ASCC3: variants seen among roughly 807,000 people sequenced by gnomAD.
The protein encoded by ASCC3 is activating signal cointegrator 1 complex subunit 3.
In ASCC3, 158 loss-of-function variants were observed where a neutral mutation model predicts 256.3. The observed-to-expected ratio is 0.62, with a 90% CI of 0.54 to 0.70. The LOEUF (loss-of-function observed/expected upper bound fraction) is 0.70, where lower values mean the gene tolerates loss of function less well. Ranked by LOEUF, ASCC3 falls within the 30% of genes least tolerant of loss-of-function variation. ASCC3 has a pLI of 0.00. For synonymous variants in ASCC3, 948 were observed against 883.4 expected (o/e 1.07, Z -1.30); for missense variants, 2,259 against 2,626.0 (o/e 0.86, Z 3.05).
Position 100,824,632 on chromosome 6 carries a change from C to G in ASCC3, c.802-18752G>C, listed in dbSNP as rs187628935. On this transcript the variant is annotated intron_variant, in intron 4 of 41. Transcript: ENST00000369162. ...TATTATTCAAGGATTGTTCATCGCT[C>G]TCCCCTGTTCAATAATTTTATCAGT... 1.2e-3 allele frequency among the ~76,000 whole-genome samples: 177 copies of G among 152,218 alleles called. 1 individual carries two copies. The highest frequency in any genetic ancestry group is 4.0e-3 in the African/African-American group (166 of 41,530).
intron 36 of ASCC3, among the ~76,000 whole-genome samples, chr6:100,574,432 G>A (rs1770755455): frequency 6.6e-6 from 1 of 152,012 alleles, no homozygotes; most frequent in Non-Finnish European, 1.5e-5. Flanking sequence ...TTCCCTGTTG[G>A]GAGCTGAGTT....
intron 34 of ASCC3, among the ~76,000 whole-genome samples, chr6:100,596,207 T>C (rs1772287292): frequency 6.6e-6 from 1 of 152,154 alleles, no homozygotes; most frequent in Admixed American, 6.5e-5. Flanking sequence ...GAATGTAGCC[T>C]TATGATCTCT....
At chr6:100,606,031 A>C (rs1772867483) in intron 32 of ASCC3, among the ~76,000 whole-genome samples, 1 of 151,966 alleles carries the variant, frequency 6.6e-6, no homozygotes, top group Non-Finnish European at 1.5e-5. Flanking sequence ...TAATTAAATA[A>C]GAAAAAGTAA....
intron 4 of ASCC3, among the ~76,000 whole-genome samples, chr6:100,825,445 C>T (rs846779): frequency 6.6e-6 from 1 of 152,070 alleles, no homozygotes; most frequent in Admixed American, 6.6e-5. Flanking sequence ...TTAGAAATGT[C>T]CCTTTTACGG....
intron 4 of ASCC3, among the ~76,000 whole-genome samples, chr6:100,844,890 C>T (rs1772316184): frequency 6.6e-6 from 1 of 152,102 alleles, no homozygotes; most frequent in Admixed American, 6.6e-5. Flanking sequence ...TCATCTTAAA[C>T]AGGTCTAAAA....
At chr6:100,624,709 G>A (rs1202352696) in intron 30 of ASCC3, among the ~76,000 whole-genome samples, 1 of 151,790 alleles carries the variant, frequency 6.6e-6, no homozygotes, top group Non-Finnish European at 1.5e-5. Context: ...TTAAATTACA[G>A]GAGAAAACCA....
intron 4 of ASCC3, among the ~76,000 whole-genome samples, chr6:100,826,457 A>G (rs1293664794): frequency 4.1e-4 from 63 of 152,072 alleles, no homozygotes; most frequent in Admixed American, 4.1e-3. Flanking sequence ...AATATTTTTT[A>G]AGTCTAAATG....
intron 26 of ASCC3, 109 bp from the exon 27 acceptor site, chr6:100,629,290 C>T (rs1774415112): frequency 7.2e-6 from 7 of 970,820 alleles, no homozygotes; most frequent in Non-Finnish European, 1.1e-5. Context: ...CTTAAAATTA[C>T]TTTATCTACC....
chr6:100,716,063 A>AT (rs1189854147), intron 12 of ASCC3, among the ~76,000 whole-genome samples: 1 of 151,750 alleles, frequency 6.6e-6, no homozygotes, highest in African/African-American at 2.4e-5. Flanking sequence ...CTACAGAAAC[A>AT]TTTTTCAGAT....
At chr6:100,644,429 T>A (rs1043949698) in intron 22 of ASCC3, among the ~76,000 whole-genome samples, 18 of 152,102 alleles carry the variant, frequency 1.2e-4, no homozygotes, top group African/African-American at 4.1e-4. Context: ...AATAAAATCA[T>A]ATAATATGCA....
At chr6:100,734,183 T>C (rs1430583613) in intron 10 of ASCC3, among the ~76,000 whole-genome samples, 4 of 152,210 alleles carry the variant, frequency 2.6e-5, no homozygotes, top group Admixed American at 2.6e-4. Context: ...GAGAAGAATT[T>C]TTTACCACCA....
rs17060978 is a variant in ASCC3 at position 100,705,252 on chromosome 6, C to A, written c.2151+10210G>T. 0.013 allele frequency among the ~76,000 whole-genome samples: 1,941 copies of A among 152,122 alleles called. 100 individuals are homozygous for A. In the East Asian group the frequency reaches 0.15, roughly 11 times the overall value. On this transcript the variant is annotated intron_variant, in intron 13 of 41. Coordinates refer to ENST00000369162, the MANE Select transcript of ASCC3 (RefSeq NM_006828.4). ...CACAACTGCCTCCTACTGTTTTTAACACTTTTAAGGCAAAGTTGCACATAA... is the reference window on the plus strand; with the variant it reads ...CACAACTGCCTCCTACTGTTTTTAAAACTTTTAAGGCAAAGTTGCACATAA...
intron 4 of ASCC3, among the ~76,000 whole-genome samples, chr6:100,813,619 G>A (rs566093607): frequency 6.6e-5 from 10 of 152,128 alleles, no homozygotes; most frequent in Admixed American, 4.6e-4. Flanking sequence ...TATACAGGGC[G>A]TCTGTGTTTG....
At chr6:100,688,509 G>A (rs1015305962) in intron 13 of ASCC3, among the ~76,000 whole-genome samples, 1 of 152,116 alleles carries the variant, frequency 6.6e-6, no homozygotes, top group South Asian at 2.1e-4. Context: ...TCATACCTAC[G>A]TGGAAGAGAT....
chr6:100,660,529 C>T (rs1486705918), intron 16 of ASCC3, among the ~76,000 whole-genome samples: 1 of 151,660 alleles, frequency 6.6e-6, no homozygotes, highest in East Asian at 1.9e-4. Flanking sequence ...AATTTTATTT[C>T]TCAGTTTTCA....
At chr6:100,695,486 T>C (rs1051563036) in intron 13 of ASCC3, among the ~76,000 whole-genome samples, 3 of 152,134 alleles carry the variant, frequency 2.0e-5, no homozygotes, top group Non-Finnish European at 2.9e-5. Context: ...TCCAGGGCCT[T>C]CTGAGTAATA....
chr6:100,520,470 C>T (rs1025156632), intron 37 of ASCC3, among the ~76,000 whole-genome samples: 1 of 150,934 alleles, frequency 6.6e-6, no homozygotes, highest in Non-Finnish European at 1.5e-5. Flanking sequence ...AATACCATTC[C>T]TTGTACTTTG....
chr6:100,613,411 T>G (rs1387314891), intron 30 of ASCC3, among the ~76,000 whole-genome samples: 4 of 152,150 alleles, frequency 2.6e-5, no homozygotes, highest in Admixed American at 2.6e-4. Context: ...TGGCTTTCTG[T>G]GTCTGGCTTG....
chr6:100,546,668 G>A (rs997734339), intron 36 of ASCC3, among the ~76,000 whole-genome samples: 6 of 151,996 alleles, frequency 3.9e-5, no homozygotes, highest in African/African-American at 1.5e-4. Context: ...CCAAATCCTG[G>A]CATTGTCCAG....
Sources: allele counts gnomAD v4.1 joint callset (sites outside exome capture counted in the v4.1 genomes callset), GRCh38; gene constraint gnomAD v4.1.1; transcripts MANE v1.5; gene names NCBI Gene and HGNC (gene_info 2026-07-23, HGNC 2026-07-21).